ATPSCKMT: variants seen among roughly 807,000 people sequenced by gnomAD.
ATPSCKMT encodes ATP synthase subunit C lysine N-methyltransferase.
ATPSCKMT carries 24 observed loss-of-function variants against 24.3 expected under a neutral mutation model. The ratio of observed to expected loss-of-function variants is 0.99; its 90% CI spans 0.71 to 1.39. The LOEUF (loss-of-function observed/expected upper bound fraction) is 1.39. ATPSCKMT is among the 40% of genes most tolerant of loss of function. ATPSCKMT has a pLI of 0.00. For missense variants in ATPSCKMT, 311 were observed against 298.4 expected, an observed-to-expected ratio of 1.04 and a Z score of -0.31; for synonymous variants, 95 against 110.5, an observed-to-expected ratio of 0.86 and a Z score of 0.88.
chr5:10,245,249 T>TTTCTAAACA, intron 1 of ATPSCKMT, among the ~76,000 whole-genome samples: 1 of 151,118 alleles, frequency 6.6e-6, no homozygotes, highest in East Asian at 2.0e-4. Flanking sequence ...TGAAACCCTG[T>TTTCTAAACA]CTCTACTAAA....
chr5:10,249,679 G>T, intron 1 of ATPSCKMT, 179 bp downstream of exon 1: 4 of 1,018,884 alleles, frequency 3.9e-6, no homozygotes, highest in Non-Finnish European at 5.5e-6. Context: ...GCCAGAACCG[G>T]CGCGGGCACC....
At chr5:10,237,441 T>C (rs1744424281) in intron 2 of ATPSCKMT, among the ~76,000 whole-genome samples, 1 of 152,218 alleles carries the variant, frequency 6.6e-6, no homozygotes, top group South Asian at 2.1e-4. Flanking sequence ...AATTCCCATG[T>C]GTTGTGGGAG....
Position 10,227,506 on chromosome 5 carries a change from T to C in ATPSCKMT, c.637A>G (p.Thr213Ala). Residue 213 changes from threonine to alanine, a missense_variant, in exon 5 of 5, where the codon ACT becomes GCT. Physicochemically the swap from Thr to Ala is moderately conservative, Grantham distance 58 (BLOSUM62 0). Transcript: ENST00000511437. ...GGCCTCTTTTCACGGCCTCTAAAAG[T>C]GCTTGCATCATATGCCCACACTGTG... ...IDTVWAYDASTFRGREKRPCT... is the reference protein window; with the variant it reads ...IDTVWAYDASAFRGREKRPCT... 6.2e-7 allele frequency: 1 copy of C among 1,614,174 alleles called. No homozygotes were observed. Among genetic ancestry groups the C allele is most frequent in the African/African-American group, 1.3e-5 (1 of 75,036 alleles).
chr5:10,246,396 T>G (rs1744930001), intron 1 of ATPSCKMT, among the ~76,000 whole-genome samples: 1 of 150,576 alleles, frequency 6.6e-6, no homozygotes, highest in Non-Finnish European at 1.5e-5. Flanking sequence ...GGAGCCAAAA[T>G]TGCACCACTG....
chr5:10,238,965 A>G, intron 2 of ATPSCKMT, 102 bp downstream of exon 2: 1 of 1,390,762 alleles, frequency 7.2e-7, no homozygotes, highest in Non-Finnish European at 9.7e-7. Context: ...GCACTCTTTC[A>G]AGCTGTCAGA....
rs369540091 is a variant in ATPSCKMT, at chr5:10,236,626, A to C, written c.307-11T>G. On this transcript the variant is annotated splice_polypyrimidine_tract_variant and intron_variant, in intron 2 of 4. Transcript: ENST00000511437. Reference sequence around the variant, plus strand: ...CGCAGCCGCTATGACCTGTGGAGAGAGGCAGGATTTATTCAAAATAAGAAG... The same window carrying C: ...CGCAGCCGCTATGACCTGTGGAGAGCGGCAGGATTTATTCAAAATAAGAAG... The C allele has an allele frequency of 6.2e-7, 1 of 1,608,738 alleles. No homozygotes were observed. The highest frequency in any genetic ancestry group is 1.3e-5 in the African/African-American group (1 of 74,796).
At position 10,239,001 on chromosome 5, in the gene ATPSCKMT, T is replaced by A. The variant is rs1744499469; in HGVS notation, c.306+66A>T. 1.9e-6 allele frequency: 3 copies of A among 1,545,776 alleles called. No homozygotes were observed. In the East Asian group the frequency reaches 6.8e-5, roughly 35 times the overall value. ...TTTAGTTAAGTCTTTGTGTAAGCCT[T>A]ACTAAATGTAAAGCAGAAATTTTAA... On this transcript the variant is annotated intron_variant, in intron 2 of 4. Transcript: ENST00000511437.
At chr5:10,247,738 A>G (rs1277183645) in intron 1 of ATPSCKMT, among the ~76,000 whole-genome samples, 1 of 152,220 alleles carries the variant, frequency 6.6e-6, no homozygotes, top group Non-Finnish European at 1.5e-5. Flanking sequence ...ACTATCCTAT[A>G]TATAAATGGC....
intron 1 of ATPSCKMT, among the ~76,000 whole-genome samples, chr5:10,244,765 A>C (rs989178635): frequency 6.6e-6 from 1 of 152,058 alleles, no homozygotes; most frequent in African/African-American, 2.4e-5. Context: ...TAAATTAGCC[A>C]TGTGTGGTGG....
At chr5:10,243,440 G>A (rs936387778) in intron 1 of ATPSCKMT, among the ~76,000 whole-genome samples, 5 of 151,806 alleles carry the variant, frequency 3.3e-5, no homozygotes, top group African/African-American at 1.2e-4. Flanking sequence ...TCAGGCCACT[G>A]CACTCTAGCC....
At chr5:10,245,744 T>C (rs1174092280) in intron 1 of ATPSCKMT, among the ~76,000 whole-genome samples, 1 of 140,318 alleles carries the variant, frequency 7.1e-6, no homozygotes, top group Admixed American at 7.2e-5. Context: ...GAGACCTCAT[T>C]ACAAAAAAAA....
chr5:10,229,192 A>G (rs1744016506), intron 4 of ATPSCKMT, among the ~76,000 whole-genome samples: 1 of 152,234 alleles, frequency 6.6e-6, no homozygotes, highest in African/African-American at 2.4e-5. Flanking sequence ...TCTGTATAAC[A>G]TTTCCCAAGG....
chr5:10,241,229 T>C (rs1172085588), intron 1 of ATPSCKMT, among the ~76,000 whole-genome samples: 8 of 152,122 alleles, frequency 5.3e-5, no homozygotes, highest in African/African-American at 1.9e-4. Flanking sequence ...CCTCTTAATT[T>C]ATAGGAACCC....
chr5:10,244,816 G>C (rs1221140502), intron 1 of ATPSCKMT, among the ~76,000 whole-genome samples: 1 of 151,718 alleles, frequency 6.6e-6, no homozygotes, highest in Non-Finnish European at 1.5e-5. Flanking sequence ...GCTGAAGCAG[G>C]AGGATCGCTT....
rs1199248169 is a variant in ATPSCKMT, at chr5:10,249,881, T to C, written c.-8A>G. 2.1e-5 allele frequency: 27 copies of C among 1,306,876 alleles called. No individual in the cohort carries two copies. The highest frequency in any genetic ancestry group is 5.4e-5 in the Admixed American group (2 of 37,376). The allele number at this position is 1,306,876 out of a possible 1,614,324, so 81.0% of individuals were successfully genotyped here. A position where few individuals can be genotyped will look rare whatever the true frequency, so the allele number is the denominator to read the frequency against. ...ACCTCCTCCTCCCTCCATCGCGAGATTTCCAACAGCGTTTTTAAAAAAAAA... is the reference window on the plus strand; with the variant it reads ...ACCTCCTCCTCCCTCCATCGCGAGACTTCCAACAGCGTTTTTAAAAAAAAA... On this transcript the variant is annotated 5_prime_UTR_variant, in exon 1 of 5. Coordinates refer to ENST00000511437, the MANE Select transcript of ATPSCKMT (RefSeq NM_199133.4).
At chr5:10,231,835 A>G (rs6887590) in intron 4 of ATPSCKMT, among the ~76,000 whole-genome samples, 26,371 of 152,170 alleles carry the variant, frequency 0.17, 3,771 homozygotes, top group East Asian at 0.76. Flanking sequence ...TGAATGAAGG[A>G]AAGAAGGAAG....
intron 4 of ATPSCKMT, among the ~76,000 whole-genome samples, chr5:10,230,752 C>A (rs1424499866): frequency 6.6e-6 from 1 of 152,132 alleles, no homozygotes; most frequent in Non-Finnish European, 1.5e-5. Flanking sequence ...CCCAGGAACC[C>A]CGGTTTCACT....
intron 1 of ATPSCKMT, chr5:10,249,575 T>G (rs554371580): frequency 5.0e-4 from 209 of 417,500 alleles, no homozygotes; most frequent in Non-Finnish European, 7.9e-4. Flanking sequence ...GTGCCTCCAC[T>G]ATCCCTATTC....
chr5:10,226,646 T>C lies in ATPSCKMT; in HGVS notation c.*795A>G, dbSNP rs967263594. The C allele has an allele frequency of 2.6e-5, 4 of 152,220 alleles. No homozygotes were observed. Among genetic ancestry groups the C allele is most frequent in the African/African-American group, 9.6e-5 (4 of 41,460 alleles). 9.4% of individuals were successfully genotyped at this position (152,220 alleles called of 1,614,324 possible). A position where few individuals can be genotyped will look rare whatever the true frequency, so the allele number is the denominator to read the frequency against. ...TAGCAGAAATAATCTGCAACTTCTG[T>C]GAATAAGATTTTTCTCAGTGTCTAA... is the stretch of plus-strand genomic sequence containing the variant. On this transcript the variant is annotated 3_prime_UTR_variant, in exon 5 of 5. Transcript: ENST00000511437.
Sources: allele counts gnomAD v4.1 joint callset (sites outside exome capture counted in the v4.1 genomes callset), GRCh38; gene constraint gnomAD v4.1.1; transcripts MANE v1.5; gene names NCBI Gene and HGNC (gene_info 2026-07-23, HGNC 2026-07-21).